NT5C3A: variants seen among roughly 807,000 people sequenced by gnomAD.
NT5C3A encodes 5'-nucleotidase, cytosolic IIIA, also known as cytosolic 5'-nucleotidase 3A.
A neutral mutation model predicts 40.0 loss-of-function variants in NT5C3A; 23 were observed. The observed-to-expected ratio is 0.58, with a 90% CI of 0.41 to 0.81. NT5C3A has a LOEUF of 0.81. Among genes scored for constraint, NT5C3A ranks in the 40% least tolerant of loss-of-function variants. The pLI is 0.00. For synonymous variants in NT5C3A, 130 were observed against 141.4 expected (o/e 0.92, Z 0.57); for missense variants, 328 against 403.0 (o/e 0.81, Z 1.59).
At chr7:33,048,569 A>C (rs1363149672) in intron 1 of NT5C3A, among the ~76,000 whole-genome samples, 2 of 152,212 alleles carry the variant, frequency 1.3e-5, no homozygotes, top group East Asian at 3.8e-4. Context: ...TAAAACATAT[A>C]TGAAAGCTTT....
At chr7:33,021,721 A>T in intron 4 of NT5C3A, 1 of 402,418 alleles carries the variant, frequency 2.5e-6, no homozygotes, top group South Asian at 2.9e-5. Context: ...CAACTTCCTC[A>T]TCAACTTAAA....
intron 5 of NT5C3A, 33 bp from the exon 6 acceptor site, chr7:33,019,757 C>T (rs773184356): frequency 2.7e-6 from 3 of 1,101,860 alleles, no homozygotes; most frequent in South Asian, 2.5e-5. Flanking sequence ...AAAAGACTAT[C>T]AATTAAGACA....
chr7:33,058,995 A>C (rs1787674634), intron 1 of NT5C3A, among the ~76,000 whole-genome samples: 1 of 152,182 alleles, frequency 6.6e-6, no homozygotes, highest in South Asian at 2.1e-4. Context: ...CTTAGAGAAG[A>C]TGGACATAGC....
At chr7:33,056,625 T>C (rs1787583252) in intron 1 of NT5C3A, among the ~76,000 whole-genome samples, 1 of 151,520 alleles carries the variant, frequency 6.6e-6, no homozygotes. Flanking sequence ...TGAGCCATGA[T>C]CGCTTCATTG....
chr7:33,042,776 A>C (rs78865266), intron 1 of NT5C3A, among the ~76,000 whole-genome samples: 1 of 152,204 alleles, frequency 6.6e-6, no homozygotes, highest in African/African-American at 2.4e-5. Flanking sequence ...AATTTTTCCT[A>C]AAGAAATTAG....
intron 1 of NT5C3A, chr7:33,041,132 C>T: frequency 1.0e-6 from 1 of 985,126 alleles, no homozygotes; most frequent in Non-Finnish European, 1.2e-6. Flanking sequence ...TAAATCTGTA[C>T]TATTAGAACT....
chr7:33,031,876 G>A (rs1786278809), intron 1 of NT5C3A, among the ~76,000 whole-genome samples: 1 of 152,254 alleles, frequency 6.6e-6, no homozygotes, highest in Admixed American at 6.5e-5. Flanking sequence ...TGGAATCCCA[G>A]CACTTAGGGA....
At chr7:33,061,683 A>AT (rs1280402632) in intron 1 of NT5C3A, among the ~76,000 whole-genome samples, 5 of 151,118 alleles carry the variant, frequency 3.3e-5, no homozygotes, top group Non-Finnish European at 7.4e-5. Context: ...TAGATTTTAA[A>AT]TTTTTTTCTA....
At chr7:33,053,938 A>G (rs1381818079) in intron 1 of NT5C3A, among the ~76,000 whole-genome samples, 1 of 152,202 alleles carries the variant, frequency 6.6e-6, no homozygotes, top group Non-Finnish European at 1.5e-5. Flanking sequence ...TGGCATATGG[A>G]TAATCTACAG....
intron 1 of NT5C3A, among the ~76,000 whole-genome samples, chr7:33,027,626 G>A (rs998531996): frequency 3.3e-5 from 5 of 150,852 alleles, no homozygotes; most frequent in African/African-American, 1.2e-4. Context: ...TTTCATTTCT[G>A]TGATTTTCTA....
At chr7:33,034,057 A>AT (rs1345212407) in intron 1 of NT5C3A, among the ~76,000 whole-genome samples, 1 of 151,214 alleles carries the variant, frequency 6.6e-6, no homozygotes, top group African/African-American at 2.4e-5. Flanking sequence ...CGCCTGGATA[A>AT]TTTTTTTGTA....
intron 1 of NT5C3A, among the ~76,000 whole-genome samples, chr7:33,058,531 A>G (rs1442870024): frequency 6.6e-6 from 1 of 152,026 alleles, no homozygotes; most frequent in African/African-American, 2.4e-5. Context: ...TTTTATTTTT[A>G]GTAGGGACGG....
At chr7:33,041,228 A>C in intron 1 of NT5C3A, 5 of 676,890 alleles carry the variant, frequency 7.4e-6, no homozygotes, top group Non-Finnish European at 9.1e-6. Context: ...GTGGTTTGTC[A>C]GTGTACTTCT....
intron 1 of NT5C3A, among the ~76,000 whole-genome samples, chr7:33,052,485 CAAAAAAAAAAAA>C (rs60149792): frequency 2.7e-5 from 2 of 74,240 alleles, no homozygotes; most frequent in Admixed American, 1.8e-4. Context: ...GACTCGGTCT[CAAAAAAAAAAAA>C]AAAAAAAAAA....
chr7:33,058,786 C>T (rs1787666988), intron 1 of NT5C3A, among the ~76,000 whole-genome samples: 1 of 152,218 alleles, frequency 6.6e-6, no homozygotes, highest in East Asian at 1.9e-4. Context: ...TTGCTTTTCA[C>T]TACTCCTCTG....
intron 2 of NT5C3A, among the ~76,000 whole-genome samples, chr7:33,025,276 A>G (rs1785856309): frequency 2.0e-5 from 3 of 152,370 alleles, no homozygotes; most frequent in Admixed American, 2.0e-4. Flanking sequence ...TGGTCAATGC[A>G]CAAAAATGCA....
chr7:33,018,260 T>C (rs1785446755), intron 6 of NT5C3A, among the ~76,000 whole-genome samples: 1 of 152,192 alleles, frequency 6.6e-6, no homozygotes, highest in Non-Finnish European at 1.5e-5. Flanking sequence ...ATCCATAAAA[T>C]TGAAAAGAAA....
rs28622104 is a variant in NT5C3A at position 33,023,725 on chromosome 7, A to T, written c.307+314T>A. 9.7e-3 allele frequency: 2,600 copies of T among 268,808 alleles called. 72 individuals are homozygous for T. Among genetic ancestry groups the T allele is most frequent in the African/African-American group, 0.053 (2,370 of 44,914 alleles). The allele number at this position is 268,808 out of a possible 1,614,324, so 16.7% of individuals were successfully genotyped here. A position where few individuals can be genotyped will look rare whatever the true frequency, so the allele number is the denominator to read the frequency against. On this transcript the variant is annotated intron_variant, in intron 3 of 8. Coordinates refer to ENST00000610140, the MANE Select transcript of NT5C3A (RefSeq NM_001002010.5). ...ATTCCTAGAAAACAAAGTATTTGAT[A>T]AATGGTGTTTCTTCAGGTTAACCCA...
In NT5C3A at chr7:33,015,805, C is replaced by T. The variant is rs369869593; in HGVS notation, c.759G>A (p.Arg253=). 2 of 1,610,134 alleles carry T rather than the reference C, an allele frequency of 1.2e-6. No individual in the cohort carries two copies. Among genetic ancestry groups the T allele is most frequent in the African/African-American group, 2.7e-5 (2 of 74,846 alleles). ...HVFNKHDGAL[R]NTEYFNQLKD... Reference sequence around the variant, plus strand: ...TTAGTTGATTGAAATATTCTGTATTCCTCAAGGCACCATCATGTTTGTTAA... The same window carrying T: ...TTAGTTGATTGAAATATTCTGTATTTCTCAAGGCACCATCATGTTTGTTAA... Residue 253 remains arginine (R), a synonymous_variant, in exon 8 of 9, where the codon AGG becomes AGA. Transcript: ENST00000610140.
Sources: gnomAD v4.1 joint callset for allele counts (sites outside exome capture counted in the v4.1 genomes callset) on GRCh38, gnomAD v4.1.1 for gene constraint, MANE v1.5 for transcripts, NCBI Gene and HGNC (gene_info 2026-07-23, HGNC 2026-07-21) for gene names.